The following PRR16 variants were observed in gnomAD, a reference collection of about 807,000 sequenced individuals.
PRR16 encodes the protein protein Largen.
A neutral mutation model predicts 18.2 loss-of-function variants in PRR16; 6 were observed. That is an observed-to-expected ratio of 0.33 (90% CI 0.18 to 0.65). The LOEUF (loss-of-function observed/expected upper bound fraction) is 0.65. Among genes scored for constraint, PRR16 ranks in the 30% least tolerant of loss-of-function variants. The pLI is 0.74. For synonymous variants in PRR16, 151 were observed against 147.8 expected (o/e 1.02, Z -0.16); for missense variants, 412 against 376.6 (o/e 1.09, Z -0.78).
intron 1 of PRR16, among the ~76,000 whole-genome samples, chr5:120,532,808 C>A (rs1307118450): frequency 6.6e-6 from 1 of 151,674 alleles, no homozygotes; most frequent in Non-Finnish European, 1.5e-5. Context: ...AGAGAAATGA[C>A]AAAGAAGCAA....
At chr5:120,506,956 C>A (rs1157862500) in intron 1 of PRR16, among the ~76,000 whole-genome samples, 1 of 152,060 alleles carries the variant, frequency 6.6e-6, no homozygotes, top group Admixed American at 6.6e-5. Context: ...GCTTTCTGGC[C>A]TCAATAGAAG....
At chr5:120,546,870 G>C (rs751960735) in intron 1 of PRR16, among the ~76,000 whole-genome samples, 3 of 152,022 alleles carry the variant, frequency 2.0e-5, no homozygotes, top group Non-Finnish European at 4.4e-5. Flanking sequence ...GTTTCTCCTT[G>C]CCTAGCAGCA....
chr5:120,498,724 T>A (rs1034812444), intron 1 of PRR16, among the ~76,000 whole-genome samples: 2 of 151,992 alleles, frequency 1.3e-5, no homozygotes, highest in Non-Finnish European at 2.9e-5. Context: ...CTCTTATTTT[T>A]TATTTGTTTG....
chr5:120,676,156 A>C (rs552157168), intron 1 of PRR16, among the ~76,000 whole-genome samples: 8 of 152,278 alleles, frequency 5.3e-5, no homozygotes, highest in Admixed American at 3.3e-4. Context: ...CTTTCAGAGA[A>C]AGCTTGTTGC....
chr5:120,754,372 TATATAAC>T, the PRR16 span, among the ~76,000 whole-genome samples: 1 of 42,344 alleles, frequency 2.4e-5, no homozygotes, highest in Non-Finnish European at 3.8e-5. Flanking sequence ...AAATATATAA[TATATAAC>T]ATATATATTA....
the PRR16 span, among the ~76,000 whole-genome samples, chr5:120,697,722 TG>T: frequency 2.6e-5 from 4 of 151,598 alleles, no homozygotes; most frequent in African/African-American, 9.7e-5. Context: ...AAAGGGGGTT[TG>T]TTCTCTGGCG....
chr5:120,568,241 G>GA (rs1236541016), intron 1 of PRR16, among the ~76,000 whole-genome samples: 1 of 152,090 alleles, frequency 6.6e-6, no homozygotes, highest in African/African-American at 2.4e-5. Flanking sequence ...GCTGGCTTTG[G>GA]AAAATTAAAG....
At chr5:120,670,059 G>A (rs993934937) in intron 1 of PRR16, among the ~76,000 whole-genome samples, 1 of 152,084 alleles carries the variant, frequency 6.6e-6, no homozygotes, top group African/African-American at 2.4e-5. Context: ...TGCACTGTAG[G>A]TGATGTAGGC....
chr5:120,766,997 G>A, the PRR16 span, among the ~76,000 whole-genome samples: 1 of 151,836 alleles, frequency 6.6e-6, no homozygotes, highest in African/African-American at 2.4e-5. Context: ...AAGAGAAAAT[G>A]TTTTAAAATC....
intron 1 of PRR16, among the ~76,000 whole-genome samples, chr5:120,684,958 T>TG (rs1423785817): frequency 6.6e-6 from 1 of 152,218 alleles, no homozygotes; most frequent in Non-Finnish European, 1.5e-5. Flanking sequence ...AGCCCTTGAC[T>TG]GGTGTGACTT....
chr5:120,761,979 CTTACTGTGCTTGGCTAATT>C, the PRR16 span, among the ~76,000 whole-genome samples: 1 of 152,098 alleles, frequency 6.6e-6, no homozygotes, highest in African/African-American at 2.4e-5. Flanking sequence ...CAATGTTCAT[CTTACTGTGCTTGGCTAATT>C]TTACATAATG....
the PRR16 span, among the ~76,000 whole-genome samples, chr5:120,770,948 T>TCC: frequency 2.0e-5 from 3 of 149,480 alleles, no homozygotes; most frequent in South Asian, 6.5e-4. Context: ...TCTCTCTCTC[T>TCC]CTCACACACA....
chr5:120,465,120 G>A (rs1442017113), intron 1 of PRR16, among the ~76,000 whole-genome samples: 1 of 152,170 alleles, frequency 6.6e-6, no homozygotes, highest in Non-Finnish European at 1.5e-5. Flanking sequence ...CCAGATCAGG[G>A]AGGGCAGCCT....
At chr5:120,667,956 G>C (rs1260080095) in intron 1 of PRR16, among the ~76,000 whole-genome samples, 2 of 152,058 alleles carry the variant, frequency 1.3e-5, no homozygotes, top group Non-Finnish European at 2.9e-5. Context: ...GAGTTCTGTA[G>C]ATGTCTATTA....
chr5:120,525,112 T>A (rs182627130), intron 1 of PRR16, among the ~76,000 whole-genome samples: 4 of 152,214 alleles, frequency 2.6e-5, no homozygotes, highest in Admixed American at 2.6e-4. Context: ...TATGAGAGTT[T>A]CCTTATTTCT....
chr5:120,772,224 T>G, the PRR16 span, among the ~76,000 whole-genome samples: 1 of 152,124 alleles, frequency 6.6e-6, no homozygotes, highest in Non-Finnish European at 1.5e-5. Flanking sequence ...TTCTTCCTTT[T>G]TAACTGTTCC....
chr5:120,793,448 T>C, the PRR16 span, among the ~76,000 whole-genome samples: 2 of 151,978 alleles, frequency 1.3e-5, no homozygotes, highest in Non-Finnish European at 2.9e-5. Context: ...GAAGGGTGAC[T>C]AGTGGATAAA....
chr5:120,691,556 A>G (rs1188915368), downstream of PRR16, among the ~76,000 whole-genome samples: 1 of 152,166 alleles, frequency 6.6e-6, no homozygotes, highest in Non-Finnish European at 1.5e-5. Flanking sequence ...CTCTGTCACT[A>G]TCATACACTG....
At chr5:120,654,508 T>A (rs1167148235) in intron 1 of PRR16, among the ~76,000 whole-genome samples, 1 of 151,490 alleles carries the variant, frequency 6.6e-6, no homozygotes, top group Non-Finnish European at 1.5e-5. Flanking sequence ...AATATAAATA[T>A]CACCTCCAAC....
Sources: allele counts gnomAD v4.1 joint callset (sites outside exome capture counted in the v4.1 genomes callset), GRCh38; gene constraint gnomAD v4.1.1; transcripts MANE v1.5; gene names NCBI Gene and HGNC (gene_info 2026-07-23, HGNC 2026-07-21).